Variants in PPM1E observed in about 807,000 individuals in gnomAD.
The protein encoded by PPM1E is protein phosphatase 1E.
Under a neutral mutation model 65.9 loss-of-function variants are expected in PPM1E, and 20 were observed. That is an observed-to-expected ratio of 0.30 (90% CI 0.21 to 0.44). PPM1E has a LOEUF of 0.44. Among genes scored for constraint, PPM1E ranks in the 20% least tolerant of loss-of-function variants. The pLI, the probability that PPM1E is intolerant of heterozygous loss-of-function variation, is 1.00. For missense variants in PPM1E, 713 were observed against 953.1 expected, an observed-to-expected ratio of 0.75 and a Z score of 3.32; for synonymous variants, 352 against 374.9, an observed-to-expected ratio of 0.94 and a Z score of 0.70.
At chr17:58,827,672 G>A (rs1299026752) in intron 1 of PPM1E, among the ~76,000 whole-genome samples, 1 of 151,830 alleles carries the variant, frequency 6.6e-6, no homozygotes, top group African/African-American at 2.4e-5. Flanking sequence ...GGAGGCCGAG[G>A]AGGGCGGATC....
chr17:58,870,569 C>T (rs1484528952), intron 1 of PPM1E, among the ~76,000 whole-genome samples: 2 of 152,144 alleles, frequency 1.3e-5, no homozygotes, highest in African/African-American at 2.4e-5. Flanking sequence ...TAAGTGAGAA[C>T]ATGCAGTATT....
intron 1 of PPM1E, among the ~76,000 whole-genome samples, chr17:58,916,398 C>T (rs1215344234): frequency 6.6e-6 from 1 of 152,190 alleles, no homozygotes; most frequent in East Asian, 1.9e-4. Flanking sequence ...ACATTCTCCA[C>T]AGGCCTTTGC....
chr17:58,776,779 T>C (rs2049998384), intron 1 of PPM1E, among the ~76,000 whole-genome samples: 1 of 152,192 alleles, frequency 6.6e-6, no homozygotes, highest in South Asian at 2.1e-4. Context: ...TTAACTTGCC[T>C]AAGTGGTTTA....
intron 1 of PPM1E, among the ~76,000 whole-genome samples, chr17:58,769,076 TAA>T (rs1052265799): frequency 6.6e-6 from 1 of 151,148 alleles, no homozygotes; most frequent in Non-Finnish European, 1.5e-5. Context: ...TGGCAAAAAT[TAA>T]AAAAAAATGC....
At chr17:58,815,400 G>T (rs986742890) in intron 1 of PPM1E, among the ~76,000 whole-genome samples, 32 of 152,260 alleles carry the variant, frequency 2.1e-4, no homozygotes, top group African/African-American at 7.2e-4. Context: ...AGCATAATTA[G>T]CATATGGTCC....
At chr17:58,815,150 A>C (rs1222637127) in intron 1 of PPM1E, among the ~76,000 whole-genome samples, 1 of 152,196 alleles carries the variant, frequency 6.6e-6, no homozygotes, top group Non-Finnish European at 1.5e-5. Context: ...GATTAACTTT[A>C]ATTAGGTGTA....
At position 58,756,412 on chromosome 17, in the gene PPM1E, G is replaced by A; in HGVS notation, c.415G>A (p.Glu139Lys). The change falls in exon 1 of 7, where the codon GAG (glutamate) becomes AAG (lysine). Residue 139 changes from glutamate to lysine, a missense_variant. Physicochemically the swap from Glu to Lys is moderately conservative, Grantham distance 56. Coordinates refer to ENST00000308249, the MANE Select transcript of PPM1E (RefSeq NM_014906.5). ...GCTGTCAGAGCGCATCACCCGCGAG[G>A]AGGTGGAGGGCGAAAGCCTGGACCT... ...RPLSERITRE[E>K]VEGESLDLCL... 2.2e-6 allele frequency: 3 copies of A among 1,357,088 alleles called. No individual in the cohort carries two copies. Among genetic ancestry groups the A allele is most frequent in the Non-Finnish European group, 1.9e-6 (2 of 1,058,144 alleles). 84.1% of individuals were successfully genotyped at this position (1,357,088 alleles called of 1,614,324 possible).
At chr17:58,758,410 C>T (rs562065224) in intron 1 of PPM1E, among the ~76,000 whole-genome samples, 94 of 151,952 alleles carry the variant, frequency 6.2e-4, no homozygotes, top group African/African-American at 2.2e-3. Flanking sequence ...CGCCTGTAAT[C>T]CCAGATACTC....
rs1171270008 is a variant in PPM1E at position 58,807,230 on chromosome 17, A to G, written c.464+50769A>G. 3.3e-5 allele frequency among the ~76,000 whole-genome samples: 5 copies of G among 152,152 alleles called. No individual in the cohort carries two copies. The South Asian group carries it at 8.3e-4, about 25-fold the overall frequency. On this transcript the variant is annotated intron_variant, in intron 1 of 6. Transcript: ENST00000308249. The stretch of plus-strand genomic sequence containing the variant: ...AATAAAATGATTTTTTGGATTTTTT[A>G]AAAAGAAAATGTTTTAGTGAACATA...
At chr17:58,966,795 A>C (rs2030283630) in intron 3 of PPM1E, 1 of 153,036 alleles carries the variant, frequency 6.5e-6, no homozygotes, top group Non-Finnish European at 1.5e-5. Flanking sequence ...TAAAAATTAC[A>C]ATGTAGTAAT....
chr17:58,878,931 C>T (rs2051158794), intron 1 of PPM1E, among the ~76,000 whole-genome samples: 1 of 151,498 alleles, frequency 6.6e-6, no homozygotes, highest in South Asian at 2.1e-4. Context: ...AAAAAGAAAA[C>T]TAACTTTTGC....
chr17:58,849,536 A>G (rs1456591700), intron 1 of PPM1E, among the ~76,000 whole-genome samples: 2 of 152,192 alleles, frequency 1.3e-5, no homozygotes, highest in African/African-American at 4.8e-5. Context: ...TGTACCCAGT[A>G]GTCATTCAGG....
intron 1 of PPM1E, among the ~76,000 whole-genome samples, chr17:58,851,027 A>C (rs2050820986): frequency 6.6e-6 from 1 of 151,900 alleles, no homozygotes; most frequent in East Asian, 1.9e-4. Flanking sequence ...CATTCATTTG[A>C]TCTTCAGTCA....
chr17:58,812,601 G>A (rs986140085), intron 1 of PPM1E, among the ~76,000 whole-genome samples: 9 of 151,942 alleles, frequency 5.9e-5, no homozygotes, highest in African/African-American at 9.7e-5. Flanking sequence ...ATGCTCTGTC[G>A]CCCGTGTTGG....
chr17:58,861,425 GAT>G (rs2050941184), intron 1 of PPM1E, among the ~76,000 whole-genome samples: 1 of 152,184 alleles, frequency 6.6e-6, no homozygotes. Context: ...GACTACCTCA[GAT>G]GCTGTCTTTT....
chr17:58,951,815 G>T (rs563100692), intron 1 of PPM1E, among the ~76,000 whole-genome samples: 24 of 152,220 alleles, frequency 1.6e-4, no homozygotes, highest in Non-Finnish European at 3.1e-4. Context: ...TTTAAGAAAA[G>T]ATTATTATTT....
At chr17:58,905,347 A>G (rs1385852568) in intron 1 of PPM1E, among the ~76,000 whole-genome samples, 1 of 152,182 alleles carries the variant, frequency 6.6e-6, no homozygotes, top group African/African-American at 2.4e-5. Context: ...TAAGTCTTTT[A>G]TAGATATTCT....
At chr17:58,843,990 A>G (rs2050747026) in intron 1 of PPM1E, among the ~76,000 whole-genome samples, 1 of 152,220 alleles carries the variant, frequency 6.6e-6, no homozygotes, top group Admixed American at 6.5e-5. Context: ...GTCTTTAGGC[A>G]GAGCATTATA....
chr17:58,801,420 T>C (rs999065466), intron 1 of PPM1E, among the ~76,000 whole-genome samples: 1 of 151,056 alleles, frequency 6.6e-6, no homozygotes, highest in Non-Finnish European at 1.5e-5. Context: ...TCTGATAATA[T>C]TGTCTTTTTC....
Sources: gnomAD v4.1 joint callset for allele counts (sites outside exome capture counted in the v4.1 genomes callset) on GRCh38, gnomAD v4.1.1 for gene constraint, MANE v1.5 for transcripts, NCBI Gene and HGNC (gene_info 2026-07-23, HGNC 2026-07-21) for gene names.